Variants in PPOX observed in about 807,000 individuals in gnomAD.
PPOX encodes the protein variegate porphyria.
In PPOX, 23 loss-of-function variants were observed where a neutral mutation model predicts 54.1. The ratio of observed to expected loss-of-function variants is 0.43; its 90% confidence interval spans 0.31 to 0.60. The LOEUF is 0.60. PPOX is among the 20% of genes least tolerant of loss of function. PPOX has a pLI of 0.13. For synonymous variants in PPOX, 224 were observed against 236.1 expected (o/e 0.95, Z 0.47); for missense variants, 512 against 601.1 (o/e 0.85, Z 1.55).
At chr1:161,167,301 G>C in intron 3 of PPOX, 67 bp downstream of exon 3, 2 of 1,614,094 alleles carry the variant, frequency 1.2e-6, no homozygotes, top group Non-Finnish European at 1.7e-6. Flanking sequence ...TAGAGTTTAG[G>C]GGAGGAAGTA....
chr1:161,171,488 G>A, downstream of PPOX: 1 of 583,820 alleles, frequency 1.7e-6, no homozygotes, highest in Non-Finnish European at 3.0e-6. Flanking sequence ...GGAGAAGCCA[G>A]ATCACTCTTC....
chr1:161,171,457 T>C, downstream of PPOX: 3 of 591,918 alleles, frequency 5.1e-6, no homozygotes, highest in Non-Finnish European at 5.9e-6. Flanking sequence ...ATAAATAGAA[T>C]AAATATTCAC....
In PPOX at chr1:161,169,032, C is replaced by G; in HGVS notation, c.656C>G (p.Ala219Gly). The G allele has an allele frequency of 6.2e-7, 1 of 1,614,216 alleles. No homozygotes were observed. The highest frequency in any genetic ancestry group is 2.2e-5 in the East Asian group (1 of 44,888). The change falls in exon 7 of 13, where the codon GCC becomes GGC. Residue 219 changes from alanine to glycine, a missense_variant. By Grantham distance (60) the Ala-to-Gly change is moderately conservative. Coordinates refer to ENST00000367999, the MANE Select transcript of PPOX (RefSeq NM_001122764.3). ...PQPDSALIRQ[A>G]LAERWSQWSL... The stretch of plus-strand genomic sequence containing the variant: ...CCAGACTCAGCACTCATTCGCCAGG[C>G]CTTGGCTGAGCGCTGGAGCCAGTGG...
At chr1:161,174,046 C>G (rs1258815287), downstream of PPOX, 7 of 1,613,034 alleles carry the variant, frequency 4.3e-6, no homozygotes, top group Non-Finnish European at 5.9e-6. Flanking sequence ...GTTCCATTTC[C>G]AGCCTGGAAG....
upstream of PPOX, chr1:161,166,152 G>A (rs1269270497): frequency 2.0e-6 from 2 of 985,040 alleles, no homozygotes; most frequent in African/African-American, 3.5e-5. Context: ...TCCCTCTAGG[G>A]TTGTCACCCT....
At chr1:161,172,265 C>A (rs754441286), downstream of PPOX, 43 of 1,614,138 alleles carry the variant, frequency 2.7e-5, no homozygotes, top group Non-Finnish European at 3.6e-5. Context: ...CTCCTCGGTG[C>A]TTCACCATCT....
chr1:161,169,385 AG>A (rs1660311247), intron 7 of PPOX: 1 of 709,528 alleles, frequency 1.4e-6, no homozygotes, highest in Non-Finnish European at 2.3e-6. Flanking sequence ...GGATAGAAGT[AG>A]TACTTATAAG....
downstream of PPOX, chr1:161,175,266 G>A (rs570768300): frequency 3.8e-6 from 6 of 1,567,876 alleles, no homozygotes; most frequent in Admixed American, 3.5e-5. Flanking sequence ...GATCAGAGGG[G>A]CAAAGAGAAA....
intron 7 of PPOX, 153 bp from the exon 8 acceptor site, chr1:161,169,507 T>C: frequency 1.2e-6 from 1 of 827,588 alleles, no homozygotes; most frequent in Non-Finnish European, 2.1e-6. Flanking sequence ...TTTTGTGAAG[T>C]CTACATAGTC....
At chr1:161,166,239 C>T (rs954068462), upstream of PPOX, 8 of 959,826 alleles carry the variant, frequency 8.3e-6, no homozygotes, top group Non-Finnish European at 9.9e-6. Flanking sequence ...CTGAGGAGGG[C>T]AGTGACGGGT....
At chr1:161,174,217 C>A (rs1438873800), downstream of PPOX, among the ~76,000 whole-genome samples, 4 of 152,078 alleles carry the variant, frequency 2.6e-5, no homozygotes, top group African/African-American at 9.7e-5. Flanking sequence ...ACCACCCTGG[C>A]TAACACGGTA....
chr1:161,168,691 T>A, intron 6 of PPOX, 115 bp downstream of exon 6: 1 of 1,379,824 alleles, frequency 7.2e-7, no homozygotes, highest in Non-Finnish European at 1.0e-6. Context: ...GGAGTCTTGC[T>A]CTGCTGCCTA....
At chr1:161,175,901 C>T (rs143209896), downstream of PPOX, 11 of 1,614,044 alleles carry the variant, frequency 6.8e-6, no homozygotes, top group African/African-American at 1.5e-4. Context: ...TTACTGTAGA[C>T]ATCACGAGGG....
At chr1:161,175,840 A>G (rs201703588), downstream of PPOX, 1,152 of 1,614,168 alleles carry the variant, frequency 7.1e-4, 15 homozygotes, top group South Asian at 0.012. Context: ...ACAGTAGGGC[A>G]GACCTTGAGG....
downstream of PPOX, chr1:161,172,312 T>G (rs1455454495): frequency 2.5e-6 from 4 of 1,614,030 alleles, no homozygotes; most frequent in South Asian, 1.1e-5. Context: ...CGAGAGATCT[T>G]CATCCCAGCC....
downstream of PPOX, chr1:161,172,203 C>A (rs750835537): frequency 3.7e-6 from 6 of 1,613,314 alleles, no homozygotes; most frequent in Non-Finnish European, 5.1e-6. Context: ...TAACAATTCC[C>A]AGGCAGTCCT....
At chr1:161,176,754 C>T in intron 4 of PPOX, 1 of 969,520 alleles carries the variant, frequency 1.0e-6, no homozygotes. Context: ...TGATAAGTGT[C>T]AGGTTCATAC....
chr1:161,171,187 T>G lies in PPOX; in HGVS notation c.*11T>G, dbSNP rs1484029922. 2 of 1,613,054 alleles carry G rather than the reference T, an allele frequency of 1.2e-6. No homozygotes were observed. The highest frequency in any genetic ancestry group is 1.7e-6 in the Non-Finnish European group (2 of 1,180,030). On this transcript the variant is annotated 3_prime_UTR_variant, in exon 13 of 13. Transcript: ENST00000367999. ...GAACCTAACAGCTGATCCCCAACTC[T>G]CATTCATGAAAATAAAAATTGCTGG...
downstream of PPOX, chr1:161,175,988 A>G: frequency 6.2e-7 from 1 of 1,614,100 alleles, no homozygotes; most frequent in Non-Finnish European, 8.5e-7. Context: ...AGTGACAGGT[A>G]CATCATGACA....
Sources: gnomAD v4.1 joint callset for allele counts (sites outside exome capture counted in the v4.1 genomes callset) on GRCh38, gnomAD v4.1.1 for gene constraint, MANE v1.5 for transcripts, NCBI Gene and HGNC (gene_info 2026-07-23, HGNC 2026-07-21) for gene names.